Variants in PDSS2 observed in about 807,000 individuals in gnomAD.
PDSS2 encodes decaprenyl diphosphate synthase subunit 2.
A neutral mutation model predicts 44.5 loss-of-function variants in PDSS2; 31 were observed. That is an observed-to-expected ratio of 0.70 (90% CI 0.52 to 0.94). The LOEUF is 0.94. Ranked by LOEUF, PDSS2 falls within the 40% of genes least tolerant of loss-of-function variation. The pLI is 0.00. For synonymous variants in PDSS2, 157 were observed against 180.3 expected, an observed-to-expected ratio of 0.87 and a Z score of 1.03; for missense variants, 452 against 482.2, an observed-to-expected ratio of 0.94 and a Z score of 0.59.
At chr6:107,361,692 A>G (rs1056483450) in intron 1 of PDSS2, among the ~76,000 whole-genome samples, 1 of 152,208 alleles carries the variant, frequency 6.6e-6, no homozygotes, top group Non-Finnish European at 1.5e-5. Flanking sequence ...GTACAGATAG[A>G]GACTTCCATT....
intron 1 of PDSS2, among the ~76,000 whole-genome samples, chr6:107,378,062 T>TAA (rs1348985766): frequency 1.3e-5 from 2 of 148,374 alleles, no homozygotes; most frequent in African/African-American, 5.0e-5. Context: ...AAAATAAAAA[T>TAA]AAATAAATAA....
chr6:107,309,194 A>T (rs1299622591), intron 2 of PDSS2, among the ~76,000 whole-genome samples: 1 of 152,244 alleles, frequency 6.6e-6, no homozygotes, highest in Non-Finnish European at 1.5e-5. Context: ...CCAGTTAATT[A>T]TCAGAATGTC....
chr6:107,317,406 G>A (rs1366983683), intron 2 of PDSS2, among the ~76,000 whole-genome samples: 1 of 152,308 alleles, frequency 6.6e-6, no homozygotes, highest in South Asian at 2.1e-4. Flanking sequence ...GGGCCAGGGA[G>A]AGCCCCAGAG....
At chr6:107,159,376 G>A (rs1023311836) in intron 7 of PDSS2, among the ~76,000 whole-genome samples, 1 of 150,248 alleles carries the variant, frequency 6.7e-6, no homozygotes, top group African/African-American at 2.4e-5. Context: ...AGGGAGGGAG[G>A]AAGGGAGAGA....
rs989018933 is a variant in PDSS2 at position 107,155,185 on chromosome 6, G to A, written c.1042-408C>T. 1.1e-4 allele frequency among the ~76,000 whole-genome samples: 16 copies of A among 143,922 alleles called. No homozygotes were observed. In the East Asian group the frequency reaches 1.2e-3, roughly 11 times the overall value. The allele number at this position is 143,922 out of a possible 152,430, so 94.4% of individuals were successfully genotyped here. The stretch of plus-strand genomic sequence containing the variant: ...TAAAGAGATGGAGTCTCGCTCTGTC[G>A]CCCAGGATGGAGTGCAGTGGTGCGA... On this transcript the variant is annotated intron_variant, in intron 7 of 7. Coordinates refer to ENST00000369037, the MANE Select transcript of PDSS2 (RefSeq NM_020381.4).
At chr6:107,411,318 C>G (rs1780486307) in intron 1 of PDSS2, among the ~76,000 whole-genome samples, 1 of 152,194 alleles carries the variant, frequency 6.6e-6, no homozygotes, top group Admixed American at 6.5e-5. Context: ...GTACTTTTGA[C>G]AGACATGGTT....
At chr6:107,335,611 T>C (rs575123590) in intron 1 of PDSS2, among the ~76,000 whole-genome samples, 2 of 152,350 alleles carry the variant, frequency 1.3e-5, no homozygotes, top group East Asian at 3.9e-4. Flanking sequence ...ACTGAATTTT[T>C]ATAATTTCTG....
intron 3 of PDSS2, among the ~76,000 whole-genome samples, chr6:107,261,578 CTTTTTTT>C (rs36106088): frequency 1.8e-5 from 2 of 112,842 alleles, no homozygotes; most frequent in Admixed American, 9.9e-5. Context: ...TCTTTTCTTT[CTTTTTTT>C]TTTTTTTTTT....
chr6:107,403,478 C>G (rs1454802173), intron 1 of PDSS2, among the ~76,000 whole-genome samples: 1 of 152,256 alleles, frequency 6.6e-6, no homozygotes, highest in Non-Finnish European at 1.5e-5. Context: ...CTTCTCACAG[C>G]TCCATTAGGC....
chr6:107,180,863 A>C (rs1005413949), intron 7 of PDSS2, among the ~76,000 whole-genome samples: 5 of 152,040 alleles, frequency 3.3e-5, no homozygotes, highest in Non-Finnish European at 7.3e-5. Context: ...TTATGTATTT[A>C]TATTTGGAGA....
intron 3 of PDSS2, among the ~76,000 whole-genome samples, chr6:107,269,484 T>C (rs1188113844): frequency 2.0e-5 from 3 of 152,058 alleles, no homozygotes; most frequent in Admixed American, 2.0e-4. Flanking sequence ...GTTTGAGTTG[T>C]TACTGTTTAT....
At chr6:107,343,010 A>G in intron 1 of PDSS2, among the ~76,000 whole-genome samples, 1 of 151,956 alleles carries the variant, frequency 6.6e-6, no homozygotes, top group East Asian at 1.9e-4. Context: ...TTTAATGGAG[A>G]TGGCAATGTT....
chr6:107,429,898 AAAAATATATATATATATATATAT>A (rs1360976438), intron 1 of PDSS2, among the ~76,000 whole-genome samples: 1 of 42,942 alleles, frequency 2.3e-5, no homozygotes, highest in African/African-American at 9.3e-5. Flanking sequence ...AAAAAAAAAA[AAAAATATATATATATATATATAT>A]ATATATATAT....
intron 1 of PDSS2, among the ~76,000 whole-genome samples, chr6:107,435,530 A>T (rs1375157780): frequency 1.3e-5 from 2 of 152,218 alleles, no homozygotes; most frequent in African/African-American, 4.8e-5. Context: ...ACTAAATGAC[A>T]TTCCTTTTAA....
intron 3 of PDSS2, among the ~76,000 whole-genome samples, chr6:107,268,955 T>C (rs74882398): frequency 1.3e-5 from 2 of 151,864 alleles, no homozygotes; most frequent in African/African-American, 2.4e-5. Flanking sequence ...TTTTTTTTTT[T>C]CCATACGGAG....
chr6:107,272,277 G>A (rs1333912977), intron 3 of PDSS2, among the ~76,000 whole-genome samples: 1 of 152,044 alleles, frequency 6.6e-6, no homozygotes, highest in African/African-American at 2.4e-5. Context: ...GAAAAATTCA[G>A]GATAAATGCT....
chr6:107,388,753 C>T (rs370000150), intron 1 of PDSS2, among the ~76,000 whole-genome samples: 42 of 152,264 alleles, frequency 2.8e-4, no homozygotes, highest in African/African-American at 9.4e-4. Context: ...CCACCGTGCT[C>T]GGCCATATGT....
At chr6:107,353,922 A>T (rs1017677875) in intron 1 of PDSS2, among the ~76,000 whole-genome samples, 2 of 152,194 alleles carry the variant, frequency 1.3e-5, no homozygotes, top group Non-Finnish European at 2.9e-5. Context: ...TTGGAAATGT[A>T]GTTTCCATGG....
intron 3 of PDSS2, among the ~76,000 whole-genome samples, chr6:107,269,375 T>TGTGTGTGC (rs769050121): frequency 2.7e-5 from 4 of 146,072 alleles, no homozygotes; most frequent in South Asian, 2.2e-4. Context: ...TGTGTGTGTG[T>TGTGTGTGC]GCAATTTATT....
Sources: gnomAD v4.1 joint callset for allele counts (sites outside exome capture counted in the v4.1 genomes callset) on GRCh38, gnomAD v4.1.1 for gene constraint, MANE v1.5 for transcripts, NCBI Gene and HGNC (gene_info 2026-07-23, HGNC 2026-07-21) for gene names.